CD82: variants seen among roughly 807,000 people sequenced by gnomAD.
CD82 encodes CD82 molecule.
In CD82, 36 loss-of-function variants were observed where a neutral mutation model predicts 37.4. The observed-to-expected ratio is 0.96, with a 90% CI of 0.74 to 1.27. The LOEUF (loss-of-function observed/expected upper bound fraction) is 1.27, where lower values mean the gene tolerates loss of function less well. CD82 is among the 50% of genes most tolerant of loss of function. The probability of loss-of-function intolerance (pLI) is 0.00; values close to 1 mark genes in which losing one functional copy is unlikely to be tolerated. For synonymous variants in CD82, 158 were observed against 137.4 expected, an observed-to-expected ratio of 1.15 and a Z score of -1.05; for missense variants, 340 against 347.0, an observed-to-expected ratio of 0.98 and a Z score of 0.16.
chr11:44,575,094 G>A (rs565766020), intron 1 of CD82, among the ~76,000 whole-genome samples: 2 of 152,282 alleles, frequency 1.3e-5, no homozygotes, highest in East Asian at 1.9e-4. Flanking sequence ...TCCCAGTTTC[G>A]CTTCAGCCCT....
rs1209155838 is a variant in CD82 at position 44,619,169 on chromosome 11, G to A, written c.*43G>A. 1 of 1,491,364 alleles carries A rather than the reference G, an allele frequency of 6.7e-7. No homozygotes were observed. The highest frequency in any genetic ancestry group is 9.4e-7 in the Non-Finnish European group (1 of 1,068,234). The allele number at this position is 1,491,364 out of a possible 1,614,324, so 92.4% of individuals were successfully genotyped here. On this transcript the variant is annotated 3_prime_UTR_variant, in exon 10 of 10. Coordinates refer to ENST00000227155, the MANE Select transcript of CD82 (RefSeq NM_002231.4). Reference sequence around the variant, plus strand: ...TCTCCCTGCCTGGCCCCCAACCTCAGGGCTCCCAGGGGTCTCCCTGGCTCC... The same window carrying A: ...TCTCCCTGCCTGGCCCCCAACCTCAAGGCTCCCAGGGGTCTCCCTGGCTCC...
intron 1 of CD82, among the ~76,000 whole-genome samples, chr11:44,571,449 TA>T (rs1852813502): frequency 1.3e-5 from 2 of 152,340 alleles, no homozygotes; most frequent in Non-Finnish European, 2.9e-5. Context: ...GAGACAATAA[TA>T]GTACTCATCT....
At chr11:44,603,208 G>C (rs79477429) in intron 4 of CD82, among the ~76,000 whole-genome samples, 4 of 152,172 alleles carry the variant, frequency 2.6e-5, no homozygotes, top group Non-Finnish European at 4.4e-5. Flanking sequence ...TGAGGAAGGT[G>C]GGGGGCTCCT....
chr11:44,577,840 C>T (rs532028347), intron 1 of CD82, among the ~76,000 whole-genome samples: 76 of 152,278 alleles, frequency 5.0e-4, no homozygotes, highest in African/African-American at 1.7e-3. Flanking sequence ...TTGAGTAGGG[C>T]GCCGGGTTGG....
rs151021281 is a variant in CD82 at position 44,583,969 on chromosome 11, C to G, written c.-102-3506C>G. On this transcript the variant is annotated intron_variant, in intron 1 of 9. Transcript: ENST00000227155. ...CTGTGACAGGGGACTCTTCCTTAATCTCTAAGACAAACAGGGAGGCACTTT... is the reference window on the plus strand; with the variant it reads ...CTGTGACAGGGGACTCTTCCTTAATGTCTAAGACAAACAGGGAGGCACTTT... Among the ~76,000 whole-genome samples, 177 of 152,284 alleles carry G rather than the reference C, an allele frequency of 1.2e-3. 2 individuals carry two copies. The highest frequency in any genetic ancestry group is 0.01 in the Middle Eastern group (3 of 294).
In CD82 at chr11:44,618,908, C is replaced by T. The variant is rs918994654; in HGVS notation, c.727-141C>T. 8.2e-6 allele frequency: 7 copies of T among 853,980 alleles called. No homozygotes were observed. In the African/African-American group the frequency reaches 9.9e-5, roughly 12 times the overall value. The allele number at this position is 853,980 out of a possible 1,614,324, so 52.9% of individuals were successfully genotyped here. On this transcript the variant is annotated intron_variant, in intron 9 of 9. Transcript: ENST00000227155. Reference sequence around the variant, plus strand: ...AAGGCACTGCCCCGCTCTGGGCCTCCCTCTGCTGCCTGCATCACAGGGTGG... The same window carrying T: ...AAGGCACTGCCCCGCTCTGGGCCTCTCTCTGCTGCCTGCATCACAGGGTGG...
At position 44,593,363 on chromosome 11, in the gene CD82, C is replaced by T. The variant is rs527476905; in HGVS notation, c.-20-1280C>T. On this transcript the variant is annotated intron_variant, in intron 2 of 9. Transcript: ENST00000227155. ...GTGCCGTCCCCTCCACCCCCCCAGC[C>T]CAGCTCTGCCCATGCAGCTGTCCCA... Among the ~76,000 whole-genome samples the T allele has an allele frequency of 1.2e-3, 187 of 152,366 alleles. 1 individual carries two copies. Among genetic ancestry groups the T allele is most frequent in the African/African-American group, 4.1e-3 (171 of 41,594 alleles).
At chr11:44,594,781 C>A (rs1422374776) in intron 3 of CD82, 56 bp downstream of exon 3, 2 of 1,450,678 alleles carry the variant, frequency 1.4e-6, no homozygotes, top group Non-Finnish European at 9.7e-7. Context: ...CTTCCAGGGG[C>A]ATCCCAGCCT....
intron 2 of CD82, among the ~76,000 whole-genome samples, chr11:44,591,214 T>C (rs1230361408): frequency 6.6e-6 from 1 of 152,174 alleles, no homozygotes; most frequent in African/African-American, 2.4e-5. Context: ...CTGTGTGGGA[T>C]GGAGCCCATG....
intron 1 of CD82, among the ~76,000 whole-genome samples, chr11:44,580,542 G>A (rs572664219): frequency 5.9e-5 from 9 of 152,188 alleles, no homozygotes; most frequent in East Asian, 5.8e-4. Context: ...GTGAAACCCC[G>A]TCTCTATTAA....
chr11:44,579,650 G>A lies in CD82; in HGVS notation c.-102-7825G>A, dbSNP rs556314361. On this transcript the variant is annotated intron_variant, in intron 1 of 9. Transcript: ENST00000227155. ...CTGGGGAGGGAGCCCTGACAGGCCCGGTTTCCTTTTGTTACCAGTGTTCCT... is the reference window on the plus strand; with the variant it reads ...CTGGGGAGGGAGCCCTGACAGGCCCAGTTTCCTTTTGTTACCAGTGTTCCT... Among the ~76,000 whole-genome samples the A allele has an allele frequency of 1.1e-4, 17 of 152,236 alleles. No homozygotes were observed. In the South Asian group the frequency reaches 1.4e-3, roughly 13 times the overall value.
Position 44,594,349 on chromosome 11 carries a change from AGGTGAGGGGTGAGGGTCT to A in CD82, c.-20-293_-20-276del, listed in dbSNP as rs1338026428. Among the ~76,000 whole-genome samples the A allele has an allele frequency of 7.6e-4, 116 of 152,084 alleles. 1 individual carries two copies. The highest frequency in any genetic ancestry group is 2.8e-3 in the African/African-American group (114 of 41,450). On this transcript the variant is annotated intron_variant, in intron 2 of 9. Transcript: ENST00000227155. ...GCAAGTTCCAGAGCCTGGGTCATGG[AGGTGAGGGGTGAGGGTCT>A]CCCTCTGTCATTTTGCTCCCACCAG...
chr11:44,618,238 A>G lies in CD82; in HGVS notation c.515A>G (p.Tyr172Cys). 6.2e-7 allele frequency: 1 copy of G among 1,613,872 alleles called. No homozygotes were observed. The highest frequency in any genetic ancestry group is 1.3e-5 in the African/African-American group (1 of 74,956). Residue 172 changes from tyrosine to cysteine, a missense_variant, in exon 8 of 10, where the codon TAC becomes TGC. Tyr to Cys is a radical substitution (Grantham distance 194). Coordinates refer to ENST00000227155, the MANE Select transcript of CD82 (RefSeq NM_002231.4). Reference protein sequence around the residue: ...AELMNRPEVTYPCSCEVKGEE... With the variant: ...AELMNRPEVTCPCSCEVKGEE... ...CTCATGAATCGCCCTGAGGTCACCT[A>G]CCCCTGTTCCTGCGAAGTCAAGGGG...
At chr11:44,587,332 G>A (rs540901873) in intron 1 of CD82, 143 bp from the exon 2 acceptor site, 22 of 422,778 alleles carry the variant, frequency 5.2e-5, no homozygotes, top group Admixed American at 9.7e-5. Flanking sequence ...AGCCTGTGGG[G>A]GGAAGAGGAC....
intron 1 of CD82, among the ~76,000 whole-genome samples, chr11:44,586,972 A>T (rs1853064464): frequency 6.6e-6 from 1 of 152,188 alleles, no homozygotes; most frequent in South Asian, 2.1e-4. Context: ...CAAATAGGCT[A>T]ACTGCAGTGA....
chr11:44,580,414 A>G (rs879837693), intron 1 of CD82, among the ~76,000 whole-genome samples: 6 of 152,202 alleles, frequency 3.9e-5, no homozygotes, highest in Admixed American at 2.6e-4. Context: ...GAGGCTCGGA[A>G]AAGTTAAATG....
At chr11:44,587,036 G>A (rs983674594) in intron 1 of CD82, among the ~76,000 whole-genome samples, 1 of 152,190 alleles carries the variant, frequency 6.6e-6, no homozygotes, top group Non-Finnish European at 1.5e-5. Context: ...TGAGTCTCCT[G>A]GGGAGCCCAG....
intron 4 of CD82, among the ~76,000 whole-genome samples, chr11:44,602,563 A>G (rs1853322583): frequency 6.6e-6 from 1 of 152,170 alleles, no homozygotes; most frequent in South Asian, 2.1e-4. Flanking sequence ...CCAGGGTCAG[A>G]GTGTGTTGGC....
upstream of CD82, among the ~76,000 whole-genome samples, chr11:44,564,840 T>A (rs1190047702): frequency 6.6e-6 from 1 of 152,186 alleles, no homozygotes; most frequent in Non-Finnish European, 1.5e-5. Context: ...CCCGCCTCCA[T>A]GAGATTCAGA....
Sources: allele counts gnomAD v4.1 joint callset (sites outside exome capture counted in the v4.1 genomes callset), GRCh38; gene constraint gnomAD v4.1.1; transcripts MANE v1.5; gene names NCBI Gene and HGNC (gene_info 2026-07-23, HGNC 2026-07-21).